The following LRRC4C variants were observed in gnomAD, a reference collection of about 807,000 sequenced individuals.
LRRC4C encodes the protein leucine rich repeat containing 4C.
In LRRC4C, 5 loss-of-function variants were observed where a neutral mutation model predicts 33.6. That is an observed-to-expected ratio of 0.15 (90% CI 0.08 to 0.31). The LOEUF (loss-of-function observed/expected upper bound fraction) is 0.31, where lower values mean the gene tolerates loss of function less well. Ranked by LOEUF, LRRC4C falls within the 10% of genes least tolerant of loss-of-function variation. The pLI, the probability that LRRC4C is intolerant of heterozygous loss-of-function variation, is 1.00. For synonymous variants in LRRC4C, 329 were observed against 302.0 expected, an observed-to-expected ratio of 1.09 and a Z score of -0.93; for missense variants, 560 against 796.7, an observed-to-expected ratio of 0.70 and a Z score of 3.58.
intron 2 of LRRC4C, among the ~76,000 whole-genome samples, chr11:40,841,902 A>C (rs563651111): frequency 6.6e-6 from 1 of 152,272 alleles, no homozygotes; most frequent in East Asian, 1.9e-4. Flanking sequence ...ACCACACTCT[A>C]GTCTCTCATT....
rs576895743 is a variant in LRRC4C at position 40,963,158 on chromosome 11, T to G, written c.-495-29435A>C. Among the ~76,000 whole-genome samples the G allele has an allele frequency of 1.2e-4, 18 of 151,862 alleles. No individual in the cohort carries two copies. The South Asian group carries it at 3.5e-3, about 30-fold the overall frequency. ...TTCAAGTGCACACTATTATTTTTAT[T>G]ACAACCACTTTAATTGTTATAAAAA... On this transcript the variant is annotated intron_variant, in intron 1 of 6. Transcript: ENST00000528697.
At chr11:41,309,411 AC>A (rs1341947786) in intron 1 of LRRC4C, among the ~76,000 whole-genome samples, 1 of 152,198 alleles carries the variant, frequency 6.6e-6, no homozygotes, top group Admixed American at 6.5e-5. Context: ...TTTTGAGCAC[AC>A]AGAAGACACT....
chr11:40,950,299 G>T (rs1453308422), intron 1 of LRRC4C, among the ~76,000 whole-genome samples: 1 of 151,910 alleles, frequency 6.6e-6, no homozygotes, highest in Non-Finnish European at 1.5e-5. Context: ...TAGGAAACTG[G>T]CAACATGAAG....
chr11:41,444,961 G>A (rs966622670), intron 1 of LRRC4C, among the ~76,000 whole-genome samples: 8 of 151,906 alleles, frequency 5.3e-5, no homozygotes, highest in Admixed American at 1.3e-4. Flanking sequence ...GCATCACCAC[G>A]CCCGGCTAAT....
chr11:41,439,610 T>G (rs1955548280), intron 1 of LRRC4C, among the ~76,000 whole-genome samples: 1 of 152,194 alleles, frequency 6.6e-6, no homozygotes, highest in Non-Finnish European at 1.5e-5. Flanking sequence ...TTATTTTCAT[T>G]TTTATTACAA....
At chr11:41,295,586 C>G (rs1409942808) in intron 1 of LRRC4C, among the ~76,000 whole-genome samples, 1 of 149,192 alleles carries the variant, frequency 6.7e-6, no homozygotes. Flanking sequence ...TTTATACGTT[C>G]AGGGCAACAA....
At chr11:40,555,339 T>C (rs1180461866) in intron 3 of LRRC4C, among the ~76,000 whole-genome samples, 1 of 152,162 alleles carries the variant, frequency 6.6e-6, no homozygotes, top group African/African-American at 2.4e-5. Flanking sequence ...CCTGTCAAGA[T>C]GTATATTTGG....
chr11:40,155,333 A>G (rs1249295859), intron 5 of LRRC4C, among the ~76,000 whole-genome samples: 1 of 152,064 alleles, frequency 6.6e-6, no homozygotes, highest in Non-Finnish European at 1.5e-5. Flanking sequence ...ACCCAAACCC[A>G]ACAGAAGGAA....
At chr11:40,294,583 C>G (rs761038288) in intron 4 of LRRC4C, among the ~76,000 whole-genome samples, 1 of 152,064 alleles carries the variant, frequency 6.6e-6, no homozygotes, top group Non-Finnish European at 1.5e-5. Context: ...AATCCCAGCC[C>G]TTTGGGAGGC....
intron 1 of LRRC4C, among the ~76,000 whole-genome samples, chr11:41,063,656 A>G (rs533293480): frequency 6.6e-6 from 1 of 152,188 alleles, no homozygotes; most frequent in African/African-American, 2.4e-5. Context: ...AGGAAAATGG[A>G]TAGGGAGGCT....
intron 1 of LRRC4C, among the ~76,000 whole-genome samples, chr11:41,449,047 AGGTAGTCTCT>A (rs895921548): frequency 6.6e-6 from 1 of 152,222 alleles, no homozygotes; most frequent in African/African-American, 2.4e-5. Flanking sequence ...AATTATGCAA[AGGTAGTCTCT>A]ATTCTTCACT....
intron 2 of LRRC4C, among the ~76,000 whole-genome samples, chr11:40,665,308 T>TAAA (rs55827045): frequency 5.1e-4 from 22 of 43,402 alleles, no homozygotes; most frequent in Admixed American, 9.3e-4. Flanking sequence ...ATTGCTTTCT[T>TAAA]AAAAAAAAAA....
chr11:40,696,770 A>ATATATATG (rs1565646096), intron 2 of LRRC4C, among the ~76,000 whole-genome samples: 1 of 144,632 alleles, frequency 6.9e-6, no homozygotes, highest in Admixed American at 6.9e-5. Flanking sequence ...ATATATATAT[A>ATATATATG]TATATCTGAG....
At chr11:40,587,020 T>C (rs1157688320) in intron 3 of LRRC4C, among the ~76,000 whole-genome samples, 2 of 151,918 alleles carry the variant, frequency 1.3e-5, no homozygotes, top group African/African-American at 4.8e-5. Context: ...AGAAATTCAT[T>C]GGTAGCTTGA....
chr11:40,354,977 TA>T (rs1947588893), intron 3 of LRRC4C, among the ~76,000 whole-genome samples: 1 of 152,050 alleles, frequency 6.6e-6, no homozygotes, highest in Admixed American at 6.6e-5. Context: ...CCTTGGGTCT[TA>T]CCCAAGGCCC....
At chr11:41,045,764 A>T (rs1050509350) in intron 1 of LRRC4C, among the ~76,000 whole-genome samples, 3 of 151,994 alleles carry the variant, frequency 2.0e-5, no homozygotes, top group Admixed American at 6.6e-5. Flanking sequence ...GTATTTTCCT[A>T]TCTCAGTGAG....
intron 1 of LRRC4C, among the ~76,000 whole-genome samples, chr11:41,215,533 T>A (rs1947024567): frequency 6.6e-6 from 1 of 151,804 alleles, no homozygotes; most frequent in South Asian, 2.1e-4. Flanking sequence ...TGACGATGTT[T>A]CCACAATCTC....
intron 4 of LRRC4C, among the ~76,000 whole-genome samples, chr11:40,257,220 G>A (rs1190600619): frequency 6.6e-6 from 1 of 152,088 alleles, no homozygotes; most frequent in African/African-American, 2.4e-5. Flanking sequence ...GGATTTGATA[G>A]AAACAAATAC....
At chr11:40,951,622 G>A (rs1449079231) in intron 1 of LRRC4C, among the ~76,000 whole-genome samples, 1 of 151,796 alleles carries the variant, frequency 6.6e-6, no homozygotes, top group East Asian at 1.9e-4. Context: ...TAAATCTCTG[G>A]AGCATTTGGA....
Sources: gnomAD v4.1 joint callset for allele counts (sites outside exome capture counted in the v4.1 genomes callset) on GRCh38, gnomAD v4.1.1 for gene constraint, MANE v1.5 for transcripts, NCBI Gene and HGNC (gene_info 2026-07-23, HGNC 2026-07-21) for gene names.